The following KCNJ6 variants were observed in gnomAD, a reference collection of about 807,000 sequenced individuals.
The protein encoded by KCNJ6 is potassium inwardly rectifying channel subfamily J member 6, also known as G protein-activated inward rectifier potassium channel 2.
A neutral mutation model predicts 34.2 loss-of-function variants in KCNJ6; 9 were observed. The observed-to-expected ratio is 0.26, with a 90% CI of 0.16 to 0.46. The LOEUF is 0.46. Ranked by LOEUF, KCNJ6 falls within the 20% of genes least tolerant of loss-of-function variation. The pLI is 1.00. For missense variants in KCNJ6, 236 were observed against 531.3 expected (o/e 0.44, Z 5.46); for synonymous variants, 196 against 207.1 (o/e 0.95, Z 0.46).
At chr21:37,819,801 T>TC (rs751526443) in intron 2 of KCNJ6, among the ~76,000 whole-genome samples, 1 of 98,154 alleles carries the variant, frequency 1.0e-5, no homozygotes, top group Non-Finnish European at 1.8e-5. Context: ...TAAATACACT[T>TC]TTTTTTTTTT....
intron 3 of KCNJ6, among the ~76,000 whole-genome samples, chr21:37,654,027 G>A (rs1187388487): frequency 1.3e-5 from 2 of 151,794 alleles, no homozygotes; most frequent in African/African-American, 4.8e-5. Flanking sequence ...GAGACTCTTA[G>A]GTAGGAATTT....
Position 37,625,206 on chromosome 21 carries a change from C to T in KCNJ6, c.1225G>A (p.Glu409Lys), listed in dbSNP as rs1327944875. 2.5e-6 allele frequency: 4 copies of T among 1,614,208 alleles called. No homozygotes were observed. The East Asian group carries it at 6.7e-5, about 27-fold the overall frequency. ...EEEKNLEEQTERNGDVANLEN... is the reference protein window; with the variant it reads ...EEEKNLEEQTKRNGDVANLEN... ...AGGTTTGCCACATCACCATTTCTTT[C>T]TGTTTGCTCTTCGAGGTTCTTTTCT... Residue 409 changes from glutamate to lysine, a missense_variant, in exon 4 of 4, where the codon GAA (glutamate) becomes AAA (lysine). Transcript: ENST00000609713.
At chr21:37,888,430 A>G (rs1292026070) in intron 1 of KCNJ6, among the ~76,000 whole-genome samples, 2 of 152,216 alleles carry the variant, frequency 1.3e-5, no homozygotes, top group Non-Finnish European at 2.9e-5. Flanking sequence ...TTTGGAATAC[A>G]AGGGCCAGAT....
chr21:37,743,645 A>G (rs569210297), intron 2 of KCNJ6, among the ~76,000 whole-genome samples: 1 of 152,306 alleles, frequency 6.6e-6, no homozygotes, highest in Admixed American at 6.5e-5. Context: ...TGATGCAGCA[A>G]GAAGGCCCTC....
At chr21:37,770,109 C>A (rs536292123) in intron 2 of KCNJ6, among the ~76,000 whole-genome samples, 5 of 152,300 alleles carry the variant, frequency 3.3e-5, no homozygotes, top group Admixed American at 6.5e-5. Flanking sequence ...ACTAGGGTTA[C>A]CAGCCCCTGT....
intron 3 of KCNJ6, among the ~76,000 whole-genome samples, chr21:37,689,969 A>T (rs555075523): frequency 1.9e-4 from 29 of 152,310 alleles, no homozygotes; most frequent in Middle Eastern, 3.4e-3. Context: ...CTGCATTCGT[A>T]GGGAATTTAA....
chr21:37,616,616 T>TATATATATATATATATA lies in KCNJ6; in HGVS notation c.*8542_*8543insTATATATATATATATAT, dbSNP rs2054269093. 1.6e-5 allele frequency: 2 copies of TATATATATATATATATA among 126,776 alleles called. No homozygotes were observed. Among genetic ancestry groups the TATATATATATATATATA allele is most frequent in the South Asian group, 2.6e-4 (1 of 3,832 alleles). 7.9% of individuals were successfully genotyped at this position (126,776 alleles called of 1,614,324 possible). Reference sequence around the variant, plus strand: ...ATATATATATATATATATATATATATGGTTAGACTCTGAACATATACGCTC... The same window carrying TATATATATATATATATA: ...ATATATATATATATATATATATATATATATATATATATATATAGGTTAGACTCTGAACATATACGCTC... On this transcript the variant is annotated 3_prime_UTR_variant, in exon 4 of 4. Coordinates refer to ENST00000609713, the MANE Select transcript of KCNJ6 (RefSeq NM_002240.5).
intron 3 of KCNJ6, among the ~76,000 whole-genome samples, chr21:37,686,363 G>A (rs971367766): frequency 6.6e-6 from 1 of 151,576 alleles, no homozygotes; most frequent in African/African-American, 2.4e-5. Context: ...GGAAGCTAGT[G>A]TCTGGGAAGG....
rs540090527 is a variant in KCNJ6, at chr21:37,715,960, C to T, written c.26-829G>A. ...TGACTTACAACACACTATCCAAATTCGTGAGCCTCAGTTTCCTCATTTACA... is the reference window on the plus strand; with the variant it reads ...TGACTTACAACACACTATCCAAATTTGTGAGCCTCAGTTTCCTCATTTACA... On this transcript the variant is annotated intron_variant, in intron 2 of 3. Transcript: ENST00000609713. Among the ~76,000 whole-genome samples the T allele has an allele frequency of 7.2e-5, 11 of 152,328 alleles. No homozygotes were observed. The South Asian group carries it at 1.2e-3, about 17-fold the overall frequency.
At chr21:37,627,290 C>T (rs1274454747) in intron 3 of KCNJ6, among the ~76,000 whole-genome samples, 2 of 152,136 alleles carry the variant, frequency 1.3e-5, no homozygotes, top group African/African-American at 4.8e-5. Context: ...TTCAATGTTT[C>T]CCTGAATGAC....
At chr21:37,821,208 G>A (rs2055371444) in intron 2 of KCNJ6, among the ~76,000 whole-genome samples, 1 of 152,064 alleles carries the variant, frequency 6.6e-6, no homozygotes, top group Non-Finnish European at 1.5e-5. Flanking sequence ...TTTTATTTAG[G>A]TGAATTTCAC....
chr21:37,759,580 A>G (rs866180877), intron 2 of KCNJ6, among the ~76,000 whole-genome samples: 2 of 152,002 alleles, frequency 1.3e-5, no homozygotes, highest in Middle Eastern at 3.4e-3. Context: ...CTGGCTTCCC[A>G]TTGTCCCCTG....
chr21:37,607,899 C>T lies in KCNJ6; in HGVS notation c.*17260G>A, dbSNP rs2054229797. On this transcript the variant is annotated 3_prime_UTR_variant, in exon 4 of 4. Coordinates refer to ENST00000609713, the MANE Select transcript of KCNJ6 (RefSeq NM_002240.5). ...CCCTAAGTCCCTTCTAAAATAAACTCTTGTTTTGTGATTTTGCTGGACACA... is the reference window on the plus strand; with the variant it reads ...CCCTAAGTCCCTTCTAAAATAAACTTTTGTTTTGTGATTTTGCTGGACACA... 6.6e-6 allele frequency: 1 copy of T among 152,130 alleles called. No homozygotes were observed. Among genetic ancestry groups the T allele is most frequent in the African/African-American group, 2.4e-5 (1 of 41,412 alleles). The allele number at this position is 152,130 out of a possible 1,614,324, so 9.4% of individuals were successfully genotyped here.
chr21:37,839,997 C>T (rs919372552), intron 2 of KCNJ6, among the ~76,000 whole-genome samples: 1 of 152,168 alleles, frequency 6.6e-6, no homozygotes, highest in African/African-American at 2.4e-5. Flanking sequence ...CAGGGTTTCA[C>T]CATATTAGCC....
intron 1 of KCNJ6, among the ~76,000 whole-genome samples, chr21:37,844,641 T>G (rs2055497563): frequency 6.6e-6 from 1 of 152,094 alleles, no homozygotes; most frequent in Non-Finnish European, 1.5e-5. Flanking sequence ...CGTGACCATT[T>G]TCTACCTCCT....
chr21:37,655,231 GAGAGAGA>G (rs2054456745), intron 3 of KCNJ6, among the ~76,000 whole-genome samples: 2 of 1,766 alleles, frequency 1.1e-3, no homozygotes, highest in African/African-American at 6.4e-3. Context: ...GTGTGAGAGA[GAGAGAGA>G]GAGAGAGAGA....
chr21:37,666,688 C>T (rs1787402), intron 3 of KCNJ6, among the ~76,000 whole-genome samples: 90,035 of 151,286 alleles, frequency 0.6, 27,046 homozygotes, highest in East Asian at 0.85. Flanking sequence ...GCCATGATGA[C>T]GATGGCAGTT....
At chr21:37,710,012 A>C (rs764027741) in intron 3 of KCNJ6, among the ~76,000 whole-genome samples, 7 of 151,794 alleles carry the variant, frequency 4.6e-5, no homozygotes, top group Non-Finnish European at 1.0e-4. Flanking sequence ...CCAGTGTTCT[A>C]TGCAGTATTT....
intron 2 of KCNJ6, among the ~76,000 whole-genome samples, chr21:37,814,896 CAAAAAA>C (rs3061049): frequency 1.4e-5 from 1 of 69,208 alleles, no homozygotes; most frequent in African/African-American, 5.1e-5. Context: ...GACTCTGTCT[CAAAAAA>C]AAAAAAAAAA....
Sources: allele counts gnomAD v4.1 joint callset (sites outside exome capture counted in the v4.1 genomes callset), GRCh38; gene constraint gnomAD v4.1.1; transcripts MANE v1.5; gene names NCBI Gene and HGNC (gene_info 2026-07-23, HGNC 2026-07-21).